HEPACAM: variants seen among roughly 807,000 people sequenced by gnomAD.
The protein encoded by HEPACAM is hepatocyte cell adhesion molecule.
HEPACAM carries 18 observed loss-of-function variants against 38.3 expected under a neutral mutation model. That is an observed-to-expected ratio of 0.47 (90% CI 0.33 to 0.70). HEPACAM has a LOEUF of 0.70. HEPACAM is among the 30% of genes least tolerant of loss of function. The pLI is 0.03. For missense variants in HEPACAM, 466 were observed against 563.0 expected, an observed-to-expected ratio of 0.83 and a Z score of 1.74; for synonymous variants, 216 against 243.1, an observed-to-expected ratio of 0.89 and a Z score of 1.04.
Position 124,922,823 on chromosome 11 carries a change from G to T in HEPACAM, c.804-5C>A, listed in dbSNP as rs766809826. 1.9e-6 allele frequency: 3 copies of T among 1,614,084 alleles called. No individual in the cohort carries two copies. The highest frequency in any genetic ancestry group is 2.5e-6 in the Non-Finnish European group (3 of 1,179,978). On this transcript the variant is annotated splice_polypyrimidine_tract_variant and splice_region_variant and intron_variant, in intron 4 of 6. Transcript: ENST00000298251. The stretch of plus-strand genomic sequence containing the variant: ...TTTTCTAGCTTCTTCTGTTTCCTGT[G>T]AATCAATTCAGCCCCACTATGAGCC...
intron 6 of HEPACAM, among the ~76,000 whole-genome samples, chr11:124,922,046 A>G (rs1947146951): frequency 6.6e-6 from 1 of 152,212 alleles, no homozygotes; most frequent in African/African-American, 2.4e-5. Flanking sequence ...CATGGCTTGC[A>G]TTATCGCCTG....
rs780021223 is a variant in HEPACAM at position 124,919,844 on chromosome 11, T to C, written c.*1294A>G. 1 of 1,614,132 alleles carries C rather than the reference T, an allele frequency of 6.2e-7. No individual in the cohort carries two copies. The highest frequency in any genetic ancestry group is 1.1e-5 in the South Asian group (1 of 91,074). The stretch of plus-strand genomic sequence containing the variant: ...AGGGATGCAAGGACCCTTGGAGGCA[T>C]TAAGGAGGAGGGAATGGAATACACA... On this transcript the variant is annotated 3_prime_UTR_variant, in exon 7 of 7. Coordinates refer to ENST00000298251, the MANE Select transcript of HEPACAM (RefSeq NM_152722.5).
In HEPACAM at chr11:124,921,142, G is replaced by C. The variant is rs1366046274; in HGVS notation, c.1247C>G (p.Ala416Gly). 5.2e-6 allele frequency: 8 copies of C among 1,526,760 alleles called. No homozygotes were observed. Among genetic ancestry groups the C allele is most frequent in the Non-Finnish European group, 7.0e-6 (8 of 1,143,808 alleles). The allele number at this position is 1,526,760 out of a possible 1,614,324, so 94.6% of individuals were successfully genotyped here. A position where few individuals can be genotyped will look rare whatever the true frequency, so the allele number is the denominator to read the frequency against. The part of the protein sequence containing the change: ...QDEAGPVEIS[A>G] ...CTCAGGGGATCCCGAGGCGGCTCAG[G>C]CGCTGATCTCCACCGGGCCGGCCTC... Residue 416 changes from alanine to glycine, a missense_variant, in exon 7 of 7, where the codon GCC becomes GGC. Ala to Gly is a moderately conservative substitution (Grantham distance 60). Coordinates refer to ENST00000298251, the MANE Select transcript of HEPACAM (RefSeq NM_152722.5). The surrounding 1 kb of genome is among the most constrained non-coding windows in gnomAD (Gnocchi z 4.6).
At chr11:124,930,020 C>A (rs147345108) in intron 1 of HEPACAM, among the ~76,000 whole-genome samples, 212 of 152,284 alleles carry the variant, frequency 1.4e-3, no homozygotes, top group Non-Finnish European at 2.7e-3. Context: ...TGCCATGTCC[C>A]TTTTCATCTG....
chr11:124,922,291 G>T, intron 6 of HEPACAM, 97 bp downstream of exon 6: 5 of 1,287,440 alleles, frequency 3.9e-6, no homozygotes, highest in Non-Finnish European at 5.7e-6. Context: ...GGGGACTGCT[G>T]CTATAAAGGG....
At chr11:124,935,667 A>G (rs925223381) in intron 1 of HEPACAM, among the ~76,000 whole-genome samples, 1 of 152,206 alleles carries the variant, frequency 6.6e-6, no homozygotes, top group African/African-American at 2.4e-5. Context: ...CCCGCCATCT[A>G]ATGTACTGAA....
rs71042463 is a variant in HEPACAM at position 124,920,678 on chromosome 11, CAA to C, written c.*458_*459del. On this transcript the variant is annotated 3_prime_UTR_variant, in exon 7 of 7. Transcript: ENST00000298251. ...AAGTGGCCTCTCTAATCTGAACTTGCAAAAAAAAAAAAAAAAAAAAAAAAAAA... is the reference window on the plus strand; with the variant it reads ...AAGTGGCCTCTCTAATCTGAACTTGCAAAAAAAAAAAAAAAAAAAAAAAAA... The C allele has an allele frequency of 0.018, 10,187 of 569,974 alleles. 5 individuals carry two copies. The highest frequency in any genetic ancestry group is 0.025 in the Middle Eastern group (27 of 1,098). 35.3% of individuals were successfully genotyped at this position (569,974 alleles called of 1,614,324 possible). A position where few individuals can be genotyped will look rare whatever the true frequency, so the allele number is the denominator to read the frequency against.
In HEPACAM at chr11:124,921,432, CG is replaced by C. The variant is rs1478390346; in HGVS notation, c.956del (p.Pro319ArgfsTer84). On this transcript the variant is annotated frameshift_variant, in exon 7 of 7. Coordinates refer to ENST00000298251, the MANE Select transcript of HEPACAM (RefSeq NM_152722.5). LOFTEE classifies it high-confidence loss of function. The surrounding 1 kb of genome is among the most constrained non-coding windows in gnomAD (Gnocchi z 4.6). ...CCGGGGCCGGGTTCTCCTCGGTCTCCGGGGAGTCCTGCAAGGACACGCGCCG... is the reference window on the plus strand; with the variant it reads ...CCGGGGCCGGGTTCTCCTCGGTCTCCGGGAGTCCTGCAAGGACACGCGCCG... ...ALYILKDKDSPETEENPAPEP... is the reference protein window; with the variant it reads ...ALYILKDKDSXETEENPAPEP... 1.6e-6 allele frequency: 2 copies of C among 1,268,870 alleles called. No homozygotes were observed. Among genetic ancestry groups the C allele is most frequent in the South Asian group, 3.3e-5 (1 of 30,670 alleles). 78.6% of individuals were successfully genotyped at this position (1,268,870 alleles called of 1,614,324 possible).
chr11:124,933,718 A>G lies in HEPACAM; in HGVS notation c.85+2204T>C, dbSNP rs78689744. Among the ~76,000 whole-genome samples, 497 of 152,282 alleles carry G rather than the reference A, an allele frequency of 3.3e-3. 1 individual carries two copies. Among genetic ancestry groups the G allele is most frequent in the African/African-American group, 0.011 (444 of 41,554 alleles). On this transcript the variant is annotated intron_variant, in intron 1 of 6. Transcript: ENST00000298251. Reference sequence around the variant, plus strand: ...TTCTTCAGCTCATTGTCATTTCACCAAAGCCAACAGTAACCTCTTAATTGC... The same window carrying G: ...TTCTTCAGCTCATTGTCATTTCACCGAAGCCAACAGTAACCTCTTAATTGC...
chr11:124,936,037 A>T lies in HEPACAM; in HGVS notation c.-31T>A, dbSNP rs1947342938. 3 of 1,590,802 alleles carry T rather than the reference A, an allele frequency of 1.9e-6. No homozygotes were observed. Among genetic ancestry groups the T allele is most frequent in the Non-Finnish European group, 2.6e-6 (3 of 1,159,374 alleles). ...GTGGCGTTCTCCAGCTCTAGTGCAG[A>T]CAATTAGCATGATTTCTCCACTCTG... is the stretch of plus-strand genomic sequence containing the variant. On this transcript the variant is annotated 5_prime_UTR_variant, in exon 1 of 7. Transcript: ENST00000298251.
intron 1 of HEPACAM, among the ~76,000 whole-genome samples, chr11:124,925,464 C>T (rs932611306): frequency 6.6e-6 from 1 of 152,214 alleles, no homozygotes; most frequent in Non-Finnish European, 1.5e-5. Flanking sequence ...ACAAAAATCC[C>T]TACCCCTATG....
chr11:124,923,984 C>T lies in HEPACAM; in HGVS notation c.454G>A (p.Val152Met), dbSNP rs1437033024. 3 of 1,610,946 alleles carry T rather than the reference C, an allele frequency of 1.9e-6. No homozygotes were observed. The highest frequency in any genetic ancestry group is 1.3e-5 in the African/African-American group (1 of 75,024). ...DVPISRPQVL[V>M]ASTTVLELSE... is the part of the protein sequence containing the mutation. The stretch of plus-strand genomic sequence containing the variant: ...AGCTCCAGCACAGTGGTTGAAGCCA[C>T]CAACACCTGTGGCCTCGAAATGGGC... Residue 152 changes from valine (V) to methionine (M), a missense_variant, in exon 3 of 7, where the codon GTG becomes ATG. Transcript: ENST00000298251.
At position 124,920,437 on chromosome 11, in the gene HEPACAM, G is replaced by A. The variant is rs1947112219; in HGVS notation, c.*701C>T. The A allele has an allele frequency of 3.2e-6, 5 of 1,547,412 alleles. No homozygotes were observed. The highest frequency in any genetic ancestry group is 3.5e-6 in the Non-Finnish European group (4 of 1,145,606). ...GAGGGAGGCTGTGGGAGGAGGCCAA[G>A]CTGGCAGGCTCGGGTTCTTTGCCCT... On this transcript the variant is annotated 3_prime_UTR_variant, in exon 7 of 7. Coordinates refer to ENST00000298251, the MANE Select transcript of HEPACAM (RefSeq NM_152722.5).
rs373332085 is a variant in HEPACAM at position 124,920,449 on chromosome 11, G to A, written c.*689C>T. On this transcript the variant is annotated 3_prime_UTR_variant, in exon 7 of 7. Transcript: ENST00000298251. ...GGGAGGAGGCCAAGCTGGCAGGCTCGGGTTCTTTGCCCTTGCTAGCGCCCA... is the reference window on the plus strand; with the variant it reads ...GGGAGGAGGCCAAGCTGGCAGGCTCAGGTTCTTTGCCCTTGCTAGCGCCCA... 50 of 1,545,878 alleles carry A rather than the reference G, an allele frequency of 3.2e-5. No homozygotes were observed. The African/African-American group carries it at 4.1e-4, about 13-fold the overall frequency.
chr11:124,925,072 G>C lies in HEPACAM; in HGVS notation c.86-3C>G. The C allele has an allele frequency of 1.3e-6, 2 of 1,576,968 alleles. No homozygotes were observed. Among genetic ancestry groups the C allele is most frequent in the Non-Finnish European group, 1.7e-6 (2 of 1,159,252 alleles). On this transcript the variant is annotated splice_region_variant and splice_polypyrimidine_tract_variant and intron_variant, in intron 1 of 6. Coordinates refer to ENST00000298251, the MANE Select transcript of HEPACAM (RefSeq NM_152722.5). Reference sequence around the variant, plus strand: ...GATGTTCACCCCCTCCAGGGGGTCTGTGAACAGAGGCCCATGAGGAAGAGG... The same window carrying C: ...GATGTTCACCCCCTCCAGGGGGTCTCTGAACAGAGGCCCATGAGGAAGAGG...
rs1455810733 is a variant in HEPACAM at position 124,924,824 on chromosome 11, C to A, written c.331G>T (p.Asp111Tyr). The change falls in exon 2 of 7, where the codon GAC (aspartate) becomes TAC (tyrosine). Residue 111 changes from aspartate (D) to tyrosine (Y), a missense_variant. By Grantham distance (160) the Asp-to-Tyr change is radical. Transcript: ENST00000298251. This position sits in a 1 kb window ranked among gnomAD's most constrained non-coding sequence, Gnocchi z 4.4. ...LFENGSLLLS[D>Y]LQLADEGTYE... Reference sequence around the variant, plus strand: ...GTGCCCTCATCGGCCAGCTGCAGGTCGCTGAGAAGCAGGGAGCCATTTTCA... The same window carrying A: ...GTGCCCTCATCGGCCAGCTGCAGGTAGCTGAGAAGCAGGGAGCCATTTTCA... 7.4e-6 allele frequency: 12 copies of A among 1,614,020 alleles called. No homozygotes were observed. Among genetic ancestry groups the A allele is most frequent in the South Asian group, 1.1e-5 (1 of 91,078 alleles).
At chr11:124,928,477 C>T (rs142260322) in intron 1 of HEPACAM, among the ~76,000 whole-genome samples, 3 of 152,122 alleles carry the variant, frequency 2.0e-5, no homozygotes, top group African/African-American at 4.8e-5. Flanking sequence ...ATGCTATGCA[C>T]GCAAGGGTTA....
In HEPACAM at chr11:124,920,964, C is replaced by G. The variant is rs543725899; in HGVS notation, c.*174G>C. Reference sequence around the variant, plus strand: ...TTTCACCATATCAACACTGCCGCCTCCGCGCACCCGCCTCCGTCTGCGCAT... The same window carrying G: ...TTTCACCATATCAACACTGCCGCCTGCGCGCACCCGCCTCCGTCTGCGCAT... On this transcript the variant is annotated 3_prime_UTR_variant, in exon 7 of 7. Coordinates refer to ENST00000298251, the MANE Select transcript of HEPACAM (RefSeq NM_152722.5). The G allele has an allele frequency of 5.9e-6, 8 of 1,366,198 alleles. No homozygotes were observed. The Admixed American group carries it at 1.7e-4, about 29-fold the overall frequency. The allele number at this position is 1,366,198 out of a possible 1,614,324, so 84.6% of individuals were successfully genotyped here. A position where few individuals can be genotyped will look rare whatever the true frequency, so the allele number is the denominator to read the frequency against.
At position 124,919,781 on chromosome 11, in the gene HEPACAM, T is replaced by C. The variant is rs1281962127; in HGVS notation, c.*1357A>G. On this transcript the variant is annotated 3_prime_UTR_variant, in exon 7 of 7. Transcript: ENST00000298251. ...TAACTGGGGCCTTGGAATTGCTCCA[T>C]GGGTTGATGGCGAATCAGAGCTGGA... 3.7e-6 allele frequency: 6 copies of C among 1,613,918 alleles called. No homozygotes were observed. Among genetic ancestry groups the C allele is most frequent in the Admixed American group, 1.7e-5 (1 of 60,004 alleles).
Sources: gnomAD v4.1 joint callset for allele counts (sites outside exome capture counted in the v4.1 genomes callset) on GRCh38, gnomAD v4.1.1 for gene constraint, Gnocchi (gnomAD v3.1) non-coding constraint, MANE v1.5 for transcripts, NCBI Gene and HGNC (gene_info 2026-07-23, HGNC 2026-07-21) for gene names.